ATG4C: variants seen among roughly 807,000 people sequenced by gnomAD.
ATG4C encodes the protein autophagy related 4C cysteine peptidase, also known as cysteine protease ATG4C.
ATG4C carries 56 observed loss-of-function variants against 57.6 expected under a neutral mutation model. That is an observed-to-expected ratio of 0.97 (90% CI 0.78 to 1.21). The LOEUF is 1.21. Among genes scored for constraint, ATG4C ranks in the 50% most tolerant of loss-of-function variants. ATG4C has a pLI of 0.00. For synonymous variants in ATG4C, 157 were observed against 174.1 expected, an observed-to-expected ratio of 0.90 and a Z score of 0.78; for missense variants, 595 against 529.8, an observed-to-expected ratio of 1.12 and a Z score of -1.21.
At chr1:62,817,219 AT>A (rs1665307666) in intron 4 of ATG4C, among the ~76,000 whole-genome samples, 1 of 152,162 alleles carries the variant, frequency 6.6e-6, no homozygotes, top group South Asian at 2.1e-4. Flanking sequence ...TATTTTTAAA[AT>A]TTTAAGAGAC....
chr1:62,827,940 A>G (rs1171460088), intron 6 of ATG4C, among the ~76,000 whole-genome samples: 2 of 152,148 alleles, frequency 1.3e-5, no homozygotes, highest in Non-Finnish European at 2.9e-5. Flanking sequence ...TTAGTTTGCT[A>G]AGGATAATGG....
chr1:62,821,102 T>C lies in ATG4C; in HGVS notation c.726-37T>C, dbSNP rs1416229670. 7.3e-6 allele frequency: 11 copies of C among 1,510,062 alleles called. No homozygotes were observed. In the Middle Eastern group the frequency reaches 8.8e-4, roughly 121 times the overall value. The allele number at this position is 1,510,062 out of a possible 1,614,324, so 93.5% of individuals were successfully genotyped here. Reference sequence around the variant, plus strand: ...AATATTTAGTTGCCAATAGGAAATGTTAGGATTTTGAAAGATAATGCTTGT... The same window carrying C: ...AATATTTAGTTGCCAATAGGAAATGCTAGGATTTTGAAAGATAATGCTTGT... On this transcript the variant is annotated intron_variant, in intron 5 of 10. Transcript: ENST00000317868.
chr1:62,850,848 A>ATGTGTGTATG (rs1318478422), intron 10 of ATG4C, among the ~76,000 whole-genome samples: 1 of 37,672 alleles, frequency 2.7e-5, no homozygotes, highest in Non-Finnish European at 5.0e-5. Flanking sequence ...ATGTGTGTGT[A>ATGTGTGTATG]TGTATGTATA....
At chr1:62,825,765 C>T (rs911533413) in intron 6 of ATG4C, among the ~76,000 whole-genome samples, 1 of 152,180 alleles carries the variant, frequency 6.6e-6, no homozygotes, top group Non-Finnish European at 1.5e-5. Context: ...TTCCCCTCCT[C>T]CAGTCTTCCA....
chr1:62,857,803 T>C (rs1201154489), intron 10 of ATG4C, among the ~76,000 whole-genome samples: 2 of 152,224 alleles, frequency 1.3e-5, no homozygotes, highest in Non-Finnish European at 2.9e-5. Context: ...TCATCCCTCT[T>C]TCTTTTTTGC....
chr1:62,793,609 A>G (rs1664361103), intron 1 of ATG4C, among the ~76,000 whole-genome samples: 1 of 147,314 alleles, frequency 6.8e-6, no homozygotes, highest in Admixed American at 7.0e-5. Flanking sequence ...AAAAAAAAAA[A>G]AAAAAAAAAA....
chr1:62,805,141 C>T (rs779292904), intron 2 of ATG4C, 31 bp from the exon 3 acceptor site: 39 of 1,502,792 alleles, frequency 2.6e-5, no homozygotes, highest in Admixed American at 2.5e-4. Context: ...AATTACAAAA[C>T]GTTTTCTTTT....
intron 1 of ATG4C, among the ~76,000 whole-genome samples, chr1:62,803,203 T>C (rs903476303): frequency 7.2e-5 from 11 of 152,162 alleles, no homozygotes; most frequent in African/African-American, 1.7e-4. Context: ...GAAGGAAACA[T>C]AGGAAATGTC....
chr1:62,841,113 TTTTTTCATGTC>T (rs1417576173), intron 9 of ATG4C, among the ~76,000 whole-genome samples: 2 of 152,242 alleles, frequency 1.3e-5, no homozygotes, highest in Non-Finnish European at 2.9e-5. Flanking sequence ...AGCCTCATAC[TTTTTTCATGTC>T]TTTTTCATGT....
intron 1 of ATG4C, among the ~76,000 whole-genome samples, chr1:62,802,353 T>C (rs1176721215): frequency 6.6e-6 from 1 of 152,130 alleles, no homozygotes; most frequent in Non-Finnish European, 1.5e-5. Flanking sequence ...CCAGGATCTG[T>C]AACCTCTTGA....
intron 9 of ATG4C, among the ~76,000 whole-genome samples, chr1:62,840,446 A>G (rs754683920): frequency 6.6e-6 from 1 of 152,210 alleles, no homozygotes; most frequent in Non-Finnish European, 1.5e-5. Flanking sequence ...GTTTATTTAT[A>G]TAAATATGAA....
chr1:62,848,789 T>A (rs1451319492), intron 10 of ATG4C, among the ~76,000 whole-genome samples: 5 of 152,232 alleles, frequency 3.3e-5, no homozygotes, highest in Non-Finnish European at 7.3e-5. Flanking sequence ...GTTGTCCCAG[T>A]AATGCTCCAG....
chr1:62,787,954 A>G (rs893280703), intron 1 of ATG4C, among the ~76,000 whole-genome samples: 2 of 152,168 alleles, frequency 1.3e-5, no homozygotes, highest in African/African-American at 4.8e-5. Flanking sequence ...AATTTGAGAA[A>G]AAAAATTTAT....
chr1:62,834,189 G>A (rs1665926580), intron 8 of ATG4C, 73 bp downstream of exon 8: 6 of 1,387,218 alleles, frequency 4.3e-6, no homozygotes, highest in Middle Eastern at 2.1e-4. Flanking sequence ...GAGATCATCT[G>A]GAAACAGGAT....
In ATG4C at chr1:62,834,080, A is replaced by C. The variant is rs146422144; in HGVS notation, c.976A>C (p.Lys326Gln). 2.3e-3 allele frequency: 3,766 copies of C among 1,612,918 alleles called. 7 individuals are homozygous for C. The highest frequency in any genetic ancestry group is 3.0e-3 in the Admixed American group (182 of 59,920). ...LEYCVGIIGGKPKQSYYFAGF... is the reference protein window; with the variant it reads ...LEYCVGIIGGQPKQSYYFAGF... The stretch of plus-strand genomic sequence containing the variant: ...ATATTGTGTGGGTATTATTGGTGGC[A>C]AACCTAAACAGTCATATTACTTTGC... Residue 326 changes from lysine to glutamine, a missense_variant, in exon 8 of 11, where the codon AAA (lysine) becomes CAA (glutamine). Lys to Gln is a moderately conservative substitution (Grantham distance 53). Transcript: ENST00000317868.
intron 3 of ATG4C, among the ~76,000 whole-genome samples, chr1:62,814,125 A>G (rs1452204041): frequency 6.6e-6 from 1 of 152,204 alleles, no homozygotes; most frequent in Admixed American, 6.5e-5. Flanking sequence ...AAATCATTCT[A>G]CTATAAAGAC....
intron 1 of ATG4C, among the ~76,000 whole-genome samples, chr1:62,788,828 C>G (rs944150512): frequency 1.3e-5 from 2 of 151,990 alleles, no homozygotes; most frequent in Admixed American, 6.6e-5. Flanking sequence ...ATTTTTTCCT[C>G]ACAATGAGTT....
chr1:62,815,441 A>C (rs539202040), intron 3 of ATG4C, among the ~76,000 whole-genome samples: 1 of 152,314 alleles, frequency 6.6e-6, no homozygotes, highest in South Asian at 2.1e-4. Flanking sequence ...TATATGTTAT[A>C]CACCCCACAC....
At chr1:62,824,353 T>A in intron 6 of ATG4C, among the ~76,000 whole-genome samples, 1 of 152,158 alleles carries the variant, frequency 6.6e-6, no homozygotes, top group East Asian at 1.9e-4. Context: ...TTCAATTGAC[T>A]ATGGGAGATA....
Sources: gnomAD v4.1 joint callset for allele counts (sites outside exome capture counted in the v4.1 genomes callset) on GRCh38, gnomAD v4.1.1 for gene constraint, MANE v1.5 for transcripts, NCBI Gene and HGNC (gene_info 2026-07-23, HGNC 2026-07-21) for gene names.